Variants in MAN2A2 observed in about 807,000 individuals in gnomAD.
MAN2A2 encodes alpha-mannosidase 2x.
MAN2A2 carries 79 observed loss-of-function variants against 126.8 expected under a neutral mutation model. The observed-to-expected ratio is 0.62, with a 90% CI of 0.52 to 0.75. The LOEUF (loss-of-function observed/expected upper bound fraction) is 0.75, where lower values mean the gene tolerates loss of function less well. MAN2A2 is among the 30% of genes least tolerant of loss of function. The pLI, the probability that MAN2A2 is intolerant of heterozygous loss-of-function variation, is 0.00. For missense variants in MAN2A2, 1,392 were observed against 1,522.4 expected, an observed-to-expected ratio of 0.91 and a Z score of 1.43; for synonymous variants, 671 against 618.7, an observed-to-expected ratio of 1.08 and a Z score of -1.25.
In MAN2A2 at chr15:90,918,391, G is replaced by C. The variant is rs756033772; in HGVS notation, c.3189+3G>C. 10 of 1,612,546 alleles carry C rather than the reference G, an allele frequency of 6.2e-6. No homozygotes were observed. Among genetic ancestry groups the C allele is most frequent in the Non-Finnish European group, 8.5e-6 (10 of 1,178,852 alleles). On this transcript the variant is annotated splice_donor_region_variant and intron_variant, in intron 21 of 22. Coordinates refer to ENST00000559717, the MANE Select transcript of MAN2A2 (RefSeq NM_006122.4). ...ACCTACGTACGCTCCAGGCTGAGGT[G>C]AGTGTCCCTCAGCGTGACATGCTGA...
At chr15:90,911,077 G>A (rs939490724) in intron 12 of MAN2A2, 94 bp from the exon 13 acceptor site, 16 of 1,487,358 alleles carry the variant, frequency 1.1e-5, no homozygotes, top group Non-Finnish European at 1.5e-5. Flanking sequence ...TGAGTTCTGT[G>A]CCCAGTGCAG....
At position 90,903,566 on chromosome 15, in the gene MAN2A2, A is replaced by T. The variant is rs528523368; in HGVS notation, c.-19+134A>T. 2.3e-3 allele frequency: 378 copies of T among 163,448 alleles called. 2 individuals carry two copies. Among genetic ancestry groups the T allele is most frequent in the Middle Eastern group, 0.013 (4 of 304 alleles). 10.1% of individuals were successfully genotyped at this position (163,448 alleles called of 1,614,324 possible). A position where few individuals can be genotyped will look rare whatever the true frequency, so the allele number is the denominator to read the frequency against. On this transcript the variant is annotated intron_variant, in intron 1 of 22. Coordinates refer to ENST00000559717, the MANE Select transcript of MAN2A2 (RefSeq NM_006122.4). Reference sequence around the variant, plus strand: ...ACTGCAGGCTTCCTAGGGGTCCCCTAAGTGCTCTGCAAACCGCGGCTGGAA... The same window carrying T: ...ACTGCAGGCTTCCTAGGGGTCCCCTTAGTGCTCTGCAAACCGCGGCTGGAA...
At position 90,912,751 on chromosome 15, in the gene MAN2A2, G is replaced by T. The variant is rs112230526; in HGVS notation, c.2469+87G>T. 2.5e-6 allele frequency: 4 copies of T among 1,592,062 alleles called. No homozygotes were observed. In the East Asian group the frequency reaches 9.0e-5, roughly 36 times the overall value. ...ACAGGTTTATTGCTGCCTGCCAGGG[G>T]CCTTGTCTTTCCTGTTCAGCCCAGG... is the stretch of plus-strand genomic sequence containing the variant. On this transcript the variant is annotated intron_variant, in intron 16 of 22. Coordinates refer to ENST00000559717, the MANE Select transcript of MAN2A2 (RefSeq NM_006122.4).
chr15:90,918,256 G>A lies in MAN2A2; in HGVS notation c.3057G>A (p.Leu1019=). Residue 1019 remains leucine, a synonymous_variant, in exon 21 of 23, where the codon CTG becomes CTA. Transcript: ENST00000559717. ...SLLSHLTSMY[L]NAPALALPVA... The stretch of plus-strand genomic sequence containing the variant: ...TCAGCCACCTGACCTCCATGTACCT[G>A]AACGCCCCGGCGCTCGCTCTGCCTG... 6.2e-7 allele frequency: 1 copy of A among 1,613,936 alleles called. No homozygotes were observed. Among genetic ancestry groups the A allele is most frequent in the Non-Finnish European group, 8.5e-7 (1 of 1,179,958 alleles).
At chr15:90,919,491 G>T in intron 22 of MAN2A2, 144 bp from the exon 23 acceptor site, 3 of 926,872 alleles carry the variant, frequency 3.2e-6, no homozygotes, top group Non-Finnish European at 4.9e-6. Flanking sequence ...CACCCGCCTT[G>T]GCCTCCCAAA....
In MAN2A2 at chr15:90,906,831, G is replaced by A. The variant is rs1327432377; in HGVS notation, c.927G>A (p.Met309Ile). The change falls in exon 7 of 23, where the codon ATG becomes ATA. Residue 309 changes from methionine to isoleucine, a missense_variant. Transcript: ENST00000559717. ...YLLRRANLTSMLIQRVHYAIK... is the reference protein window; with the variant it reads ...YLLRRANLTSILIQRVHYAIK... ...TGCGCCGTGCCAACCTCACCAGCAT[G>A]CTGATTCAGAGAGTGCACTATGCCA... 6.2e-7 allele frequency: 1 copy of A among 1,614,086 alleles called. No individual in the cohort carries two copies. The highest frequency in any genetic ancestry group is 2.2e-5 in the East Asian group (1 of 44,888).
At chr15:90,917,859 G>T (rs368230714) in intron 20 of MAN2A2, 79 of 242,660 alleles carry the variant, frequency 3.3e-4, no homozygotes, top group African/African-American at 1.7e-3. Context: ...GCCTGCGTCT[G>T]CCTGGCTGCC....
At chr15:90,914,365 G>C (rs774438874) in intron 19 of MAN2A2, among the ~76,000 whole-genome samples, 4 of 152,192 alleles carry the variant, frequency 2.6e-5, no homozygotes, top group Non-Finnish European at 5.9e-5. Context: ...ATTGAACAGT[G>C]GTTCTCAGCT....
At position 90,906,476 on chromosome 15, in the gene MAN2A2, C is replaced by T; in HGVS notation, c.814C>T (p.Gln272Ter). Residue 272 changes from glutamine (Q) to a stop codon, truncating the protein, a stop_gained, in exon 6 of 23, where the codon CAG (glutamine) becomes TAG (stop). Coordinates refer to ENST00000559717, the MANE Select transcript of MAN2A2 (RefSeq NM_006122.4). LOFTEE classifies it high-confidence loss of function. ...ALIDQLIEGHQWLERNLGATP... is the reference protein window; with the variant it reads ...ALIDQLIEGH The stretch of plus-strand genomic sequence containing the variant: ...GATTGACCAGCTCATCGAAGGACAC[C>T]AGTGGCTGGAGAGAAATCTTGGTAA... The T allele has an allele frequency of 6.2e-7, 1 of 1,614,162 alleles. No homozygotes were observed. The highest frequency in any genetic ancestry group is 8.5e-7 in the Non-Finnish European group (1 of 1,180,012).
chr15:90,909,236 C>T (rs1042741031), intron 8 of MAN2A2, 91 bp from the exon 9 acceptor site: 3 of 1,327,696 alleles, frequency 2.3e-6, no homozygotes, highest in Non-Finnish European at 3.1e-6. Flanking sequence ...GATGGGATGT[C>T]TTCTAGGGGC....
chr15:90,905,074 G>C (rs1185919796), intron 2 of MAN2A2, among the ~76,000 whole-genome samples, 177 bp from the exon 3 acceptor site: 6 of 152,142 alleles, frequency 3.9e-5, no homozygotes. Context: ...GTAGTCCTCA[G>C]TGGTGATCTG....
In MAN2A2 at chr15:90,919,921, T is replaced by A; in HGVS notation, c.*134T>A. On this transcript the variant is annotated 3_prime_UTR_variant, in exon 23 of 23. Transcript: ENST00000559717. ...GTGACACACTGGGCTCTGCCCTCATTTTCTGTTTATTGCTGCTGCTGTGTT... is the reference window on the plus strand; with the variant it reads ...GTGACACACTGGGCTCTGCCCTCATATTCTGTTTATTGCTGCTGCTGTGTT... 9.4e-7 allele frequency: 1 copy of A among 1,059,552 alleles called. No homozygotes were observed. The highest frequency in any genetic ancestry group is 1.4e-6 in the Non-Finnish European group (1 of 738,482). 65.6% of individuals were successfully genotyped at this position (1,059,552 alleles called of 1,614,324 possible).
Position 90,918,687 on chromosome 15 carries a change from C to T in MAN2A2, c.3232C>T (p.Arg1078Cys), listed in dbSNP as rs917278180. 24 of 1,521,828 alleles carry T rather than the reference C, an allele frequency of 1.6e-5. No individual in the cohort carries two copies. The highest frequency in any genetic ancestry group is 1.8e-5 in the Non-Finnish European group (20 of 1,096,382). The allele number at this position is 1,521,828 out of a possible 1,614,324, so 94.3% of individuals were successfully genotyped here. ...GGCGGAGACCGCACTCATCTTACACCGCAAGGGTTTTGACTGCGGCCTGGA... is the reference window on the plus strand; with the variant it reads ...GGCGGAGACCGCACTCATCTTACACTGCAAGGGTTTTGACTGCGGCCTGGA... The part of the protein sequence containing the change: ...PSAETALILH[R>C]KGFDCGLEAK... Residue 1078 changes from arginine (R) to cysteine (C), a missense_variant, in exon 22 of 23, where the codon CGC (arginine) becomes TGC (cysteine). Coordinates refer to ENST00000559717, the MANE Select transcript of MAN2A2 (RefSeq NM_006122.4).
chr15:90,919,508 G>A (rs974102564), intron 22 of MAN2A2, 127 bp from the exon 23 acceptor site: 57 of 1,158,078 alleles, frequency 4.9e-5, no homozygotes, highest in Non-Finnish European at 6.6e-5. Flanking sequence ...CAAAGTGCTG[G>A]GATTACAGGT....
Position 90,913,038 on chromosome 15 carries a change from A to G in MAN2A2, c.2584+47A>G, listed in dbSNP as rs777221655. 6 of 1,488,946 alleles carry G rather than the reference A, an allele frequency of 4.0e-6. 1 individual carries two copies. In the South Asian group the frequency reaches 5.7e-5, roughly 14 times the overall value. The allele number at this position is 1,488,946 out of a possible 1,614,324, so 92.2% of individuals were successfully genotyped here. A position where few individuals can be genotyped will look rare whatever the true frequency, so the allele number is the denominator to read the frequency against. On this transcript the variant is annotated intron_variant, in intron 17 of 22. Transcript: ENST00000559717. ...GGGTCTGGAAGGAGGTGTGGGCTCC[A>G]CAACTGTGGCGTATTCTTCCTTCTG...
intron 15 of MAN2A2, 56 bp downstream of exon 15, chr15:90,912,335 G>C (rs1447074881): frequency 1.3e-6 from 2 of 1,597,372 alleles, no homozygotes; most frequent in African/African-American, 1.3e-5. Flanking sequence ...CGTGTGTGGT[G>C]GTGGCACTGT....
chr15:90,916,096 G>A (rs749034226), intron 19 of MAN2A2, 27 bp from the exon 20 acceptor site: 2 of 1,610,586 alleles, frequency 1.2e-6, no homozygotes, highest in African/African-American at 1.3e-5. Flanking sequence ...GTGGGGGCGG[G>A]CCAGCACTCA....
chr15:90,906,929 G>T lies in MAN2A2; in HGVS notation c.1009+16G>T. The T allele has an allele frequency of 6.2e-7, 1 of 1,612,944 alleles. No individual in the cohort carries two copies. ...CAGACATGGGGTAAGGCCGGGTAGG[G>T]TAGAGGGGGTTACTGCAGCATAGTC... is the stretch of plus-strand genomic sequence containing the variant. On this transcript the variant is annotated intron_variant, in intron 7 of 22. Transcript: ENST00000559717.
chr15:90,918,562 ACTGCCTCTGGGCAGAGGCG>A (rs1452435736), intron 21 of MAN2A2, 64 bp from the exon 22 acceptor site: 1 of 1,234,552 alleles, frequency 8.1e-7, no homozygotes, highest in African/African-American at 1.5e-5. Context: ...CTGTGCCAGC[ACTGCCTCTGGGCAGAGGCG>A]CTGCTGCATC....
Sources: allele counts gnomAD v4.1 joint callset (sites outside exome capture counted in the v4.1 genomes callset), GRCh38; gene constraint gnomAD v4.1.1; transcripts MANE v1.5; gene names NCBI Gene and HGNC (gene_info 2026-07-23, HGNC 2026-07-21).